Variants in CABLES1 observed in about 807,000 individuals in gnomAD.
CABLES1 encodes the protein Cdk5 and Abl enzyme substrate 1.
CABLES1 carries 36 observed loss-of-function variants against 57.8 expected under a neutral mutation model. The observed-to-expected ratio is 0.62, with a 90% confidence interval of 0.48 to 0.82. CABLES1 has a LOEUF of 0.82. Ranked by LOEUF, CABLES1 falls within the 40% of genes least tolerant of loss-of-function variation. The probability of loss-of-function intolerance (pLI) is 0.00; values close to 1 mark genes in which losing one functional copy is unlikely to be tolerated. For missense variants in CABLES1, 767 were observed against 836.6 expected (o/e 0.92, Z 1.03); for synonymous variants, 374 against 363.0 (o/e 1.03, Z -0.35).
At chr18:23,184,248 T>A (rs1331578933) in intron 1 of CABLES1, among the ~76,000 whole-genome samples, 2 of 152,100 alleles carry the variant, frequency 1.3e-5, no homozygotes, top group Non-Finnish European at 2.9e-5. Context: ...TTTTTTCCCC[T>A]TTAAGGAGTC....
At chr18:23,246,605 A>T (rs141614991) in intron 7 of CABLES1, among the ~76,000 whole-genome samples, 8,448 of 150,834 alleles carry the variant, frequency 0.056, 554 homozygotes, top group Admixed American at 0.17. Flanking sequence ...GTTAGCCAGG[A>T]TGGTCTCGAT....
intron 1 of CABLES1, among the ~76,000 whole-genome samples, chr18:23,160,583 G>C (rs1355835061): frequency 1.3e-5 from 2 of 152,160 alleles, no homozygotes; most frequent in Admixed American, 6.5e-5. Context: ...AGCCTGGCCT[G>C]GTGGGAGGTG....
intron 3 of CABLES1, among the ~76,000 whole-genome samples, chr18:23,209,828 G>A (rs2047391877): frequency 8.8e-6 from 1 of 114,090 alleles, no homozygotes; most frequent in African/African-American, 3.2e-5. Flanking sequence ...TGGGCTGAGG[G>A]GGTAAAAACA....
At chr18:23,195,480 A>G (rs564449163) in intron 3 of CABLES1, among the ~76,000 whole-genome samples, 101 of 152,378 alleles carry the variant, frequency 6.6e-4, no homozygotes, top group African/African-American at 2.3e-3. Context: ...AAGGCCCAGC[A>G]TGACTGTAAG....
Position 23,188,839 on chromosome 18 carries a change from C to T in CABLES1, c.847C>T (p.Arg283Trp), listed in dbSNP as rs529420681. The change falls in exon 2 of 10, where the codon CGG (arginine) becomes TGG (tryptophan). Residue 283 changes from arginine to tryptophan, a missense_variant and splice_region_variant. Transcript: ENST00000256925. ...CAGATTTTTTCCTTCTTTCTGCAGACGGCGCCTCATCTCCCAGAGATCTTC... is the reference window on the plus strand; with the variant it reads ...CAGATTTTTTCCTTCTTTCTGCAGATGGCGCCTCATCTCCCAGAGATCTTC... ...SAFEQLQRSRRRLISQRSSLE... is the reference protein window; with the variant it reads ...SAFEQLQRSRWRLISQRSSLE... The T allele has an allele frequency of 1.7e-5, 28 of 1,613,198 alleles. No homozygotes were observed. The highest frequency in any genetic ancestry group is 8.9e-5 in the East Asian group (4 of 44,878).
chr18:23,188,797 A>C, intron 1 of CABLES1, 41 bp from the exon 2 acceptor site: 1 of 1,365,850 alleles, frequency 7.3e-7, no homozygotes, highest in Non-Finnish European at 1.0e-6. Context: ...TCAGTTCTGC[A>C]ATGCAGTTTT....
At position 23,257,585 on chromosome 18, in the gene CABLES1, A is replaced by T; in HGVS notation, c.*218A>T. On this transcript the variant is annotated 3_prime_UTR_variant, in exon 10 of 10. Transcript: ENST00000256925. ...TGGACTCCTCAAGCACGGGAAGAGGAGGTGTGTGCTGAGAACAGAGAGGCC... is the reference window on the plus strand; with the variant it reads ...TGGACTCCTCAAGCACGGGAAGAGGTGGTGTGTGCTGAGAACAGAGAGGCC... 2.0e-6 allele frequency: 1 copy of T among 490,810 alleles called. No homozygotes were observed. The highest frequency in any genetic ancestry group is 3.7e-5 in the East Asian group (1 of 26,938). The allele number at this position is 490,810 out of a possible 1,614,324, so 30.4% of individuals were successfully genotyped here.
chr18:23,169,029 A>G (rs373141099), intron 1 of CABLES1, among the ~76,000 whole-genome samples: 6 of 152,336 alleles, frequency 3.9e-5, no homozygotes, highest in African/African-American at 1.2e-4. Flanking sequence ...CCTTGCTGAT[A>G]AAACAGGTTA....
intron 1 of CABLES1, among the ~76,000 whole-genome samples, chr18:23,148,020 C>T (rs1231844480): frequency 1.7e-5 from 2 of 117,466 alleles, no homozygotes; most frequent in East Asian, 2.5e-4. Flanking sequence ...GACGGAGTCT[C>T]GCTTTGTTGC....
intron 7 of CABLES1, among the ~76,000 whole-genome samples, chr18:23,252,503 C>G (rs550215903): frequency 1.3e-5 from 2 of 152,206 alleles, no homozygotes; most frequent in African/African-American, 2.4e-5. Flanking sequence ...GAAGTAGGCA[C>G]TGTTACTGTT....
At chr18:23,202,640 G>A (rs2047333587) in intron 3 of CABLES1, among the ~76,000 whole-genome samples, 2 of 152,324 alleles carry the variant, frequency 1.3e-5, no homozygotes, top group African/African-American at 4.8e-5. Context: ...CTCATTGCTG[G>A]CCAGGAAGGA....
chr18:23,160,870 C>T (rs953316472), intron 1 of CABLES1, among the ~76,000 whole-genome samples: 3 of 152,050 alleles, frequency 2.0e-5, no homozygotes, highest in Admixed American at 2.0e-4. Context: ...CCCGTCTCTA[C>T]TAAAATACAA....
chr18:23,255,726 A>AT (rs768373815), intron 9 of CABLES1, among the ~76,000 whole-genome samples: 16 of 151,600 alleles, frequency 1.1e-4, no homozygotes, highest in Admixed American at 2.6e-4. Context: ...CGCCTGGCTA[A>AT]TTTTTTTTAT....
intron 1 of CABLES1, among the ~76,000 whole-genome samples, chr18:23,147,900 T>A (rs1315995387): frequency 4.0e-5 from 6 of 151,314 alleles, no homozygotes; most frequent in Non-Finnish European, 8.8e-5. Flanking sequence ...AGAGACAATT[T>A]GAGAAGACCC....
At chr18:23,180,532 G>T (rs1229252074) in intron 1 of CABLES1, among the ~76,000 whole-genome samples, 1 of 151,954 alleles carries the variant, frequency 6.6e-6, no homozygotes, top group Non-Finnish European at 1.5e-5. Context: ...TTATTTATTT[G>T]TAGAGACAGG....
In CABLES1 at chr18:23,160,926, G is replaced by A. The variant is rs117288181; in HGVS notation, c.845+24319G>A. Among the ~76,000 whole-genome samples the A allele has an allele frequency of 3.6e-3, 547 of 152,284 alleles. 4 individuals carry two copies. Among genetic ancestry groups the A allele is most frequent in the Admixed American group, 6.9e-3 (105 of 15,304 alleles). ...CACATGCCTGTAGTCCCAGCTACTC[G>A]AGAGGCTAGGGTACAAGAATCGCTT... On this transcript the variant is annotated intron_variant, in intron 1 of 9. Transcript: ENST00000256925.
chr18:23,206,745 T>C (rs1175201873), intron 3 of CABLES1, among the ~76,000 whole-genome samples: 1 of 152,194 alleles, frequency 6.6e-6, no homozygotes, highest in Non-Finnish European at 1.5e-5. Flanking sequence ...GAATATTTTT[T>C]AAAGCATCCA....
chr18:23,199,191 G>A (rs1364262641), intron 3 of CABLES1, among the ~76,000 whole-genome samples: 4 of 152,198 alleles, frequency 2.6e-5, no homozygotes, highest in Non-Finnish European at 4.4e-5. Context: ...AGATGAACTC[G>A]ATTGTTAAAA....
At chr18:23,197,801 G>T (rs1039042705) in intron 3 of CABLES1, 6 of 152,210 alleles carry the variant, frequency 3.9e-5, no homozygotes, top group Non-Finnish European at 8.8e-5. Context: ...AGCTGGAAAA[G>T]AACACTGGAT....
Sources: allele counts gnomAD v4.1 joint callset (sites outside exome capture counted in the v4.1 genomes callset), GRCh38; gene constraint gnomAD v4.1.1; transcripts MANE v1.5; gene names NCBI Gene and HGNC (gene_info 2026-07-23, HGNC 2026-07-21).